The following AIG1 variants were observed in gnomAD, a reference collection of about 807,000 sequenced individuals.
AIG1 encodes the protein androgen-induced gene 1 protein.
In AIG1, 23 loss-of-function variants were observed where a neutral mutation model predicts 31.4. That is an observed-to-expected ratio of 0.73 (90% CI 0.53 to 1.04). The LOEUF is 1.04. AIG1 is among the 50% of genes least tolerant of loss of function. The pLI is 0.00. For missense variants in AIG1, 274 were observed against 295.0 expected, an observed-to-expected ratio of 0.93 and a Z score of 0.52; for synonymous variants, 100 against 110.5, an observed-to-expected ratio of 0.90 and a Z score of 0.60.
chr6:143,303,178 C>T (rs1293670270), intron 4 of AIG1, among the ~76,000 whole-genome samples: 1 of 151,420 alleles, frequency 6.6e-6, no homozygotes, highest in Non-Finnish European at 1.5e-5. Flanking sequence ...TGTAGGTTGC[C>T]TGTTCACTCT....
chr6:143,078,827 A>G (rs1456868899), intron 1 of AIG1, among the ~76,000 whole-genome samples: 6 of 152,198 alleles, frequency 3.9e-5, no homozygotes, highest in Non-Finnish European at 7.3e-5. Context: ...CATATCAAAC[A>G]TTATGTGGTG....
At chr6:143,285,775 T>C (rs924681691) in intron 4 of AIG1, among the ~76,000 whole-genome samples, 2 of 152,138 alleles carry the variant, frequency 1.3e-5, no homozygotes, top group African/African-American at 4.8e-5. Context: ...TCCAAAACCT[T>C]AAGTGTTGAC....
chr6:143,287,690 G>C (rs1383924811), intron 4 of AIG1, among the ~76,000 whole-genome samples: 1 of 117,630 alleles, frequency 8.5e-6, no homozygotes, highest in Non-Finnish European at 1.6e-5. Context: ...TAGTTGGAAA[G>C]ACACTGTTAT....
At chr6:143,183,100 C>T (rs1159806579) in intron 3 of AIG1, among the ~76,000 whole-genome samples, 1 of 152,130 alleles carries the variant, frequency 6.6e-6, no homozygotes, top group Non-Finnish European at 1.5e-5. Flanking sequence ...AGCTACAGGT[C>T]AGCCTGGCTC....
At chr6:143,193,521 G>A (rs559335659) in intron 3 of AIG1, among the ~76,000 whole-genome samples, 90 of 152,304 alleles carry the variant, frequency 5.9e-4, no homozygotes, top group African/African-American at 2.0e-3. Context: ...CTAGAACAGG[G>A]CCTTGCACTT....
intron 3 of AIG1, among the ~76,000 whole-genome samples, chr6:143,238,885 A>G (rs1215793827): frequency 2.6e-5 from 4 of 152,234 alleles, no homozygotes; most frequent in Non-Finnish European, 4.4e-5. Context: ...TGTATTTGAA[A>G]TGGAAGAGAA....
intron 3 of AIG1, among the ~76,000 whole-genome samples, chr6:143,243,130 A>G (rs995472620): frequency 8.5e-5 from 13 of 152,218 alleles, no homozygotes; most frequent in Non-Finnish European, 1.5e-4. Context: ...TAAATTCACT[A>G]TCTTCCTTTT....
Position 143,327,994 on chromosome 6 carries a change from A to T in AIG1, c.516-5288A>T, listed in dbSNP as rs1776750627. Among the ~76,000 whole-genome samples, 1 of 152,198 alleles carries T rather than the reference A, an allele frequency of 6.6e-6. No homozygotes were observed. The highest frequency in any genetic ancestry group is 6.5e-5 in the Admixed American group (1 of 15,270). ...GTAAAATACCTGTGTATAAGTAGTGAACATGATGCCATAGCCATGAATGAA... is the reference window on the plus strand; with the variant it reads ...GTAAAATACCTGTGTATAAGTAGTGTACATGATGCCATAGCCATGAATGAA... On this transcript the variant is annotated intron_variant, in intron 4 of 5. Coordinates refer to ENST00000357847, the MANE Select transcript of AIG1 (RefSeq NM_016108.4). This position sits in a 1 kb window ranked among gnomAD's most constrained non-coding sequence, Gnocchi z 5.3.
At chr6:143,163,788 G>A (rs936566844) in intron 2 of AIG1, among the ~76,000 whole-genome samples, 2 of 151,950 alleles carry the variant, frequency 1.3e-5, no homozygotes, top group African/African-American at 4.8e-5. Flanking sequence ...CTTTTCCTTG[G>A]CTTTGCTTAT....
chr6:143,340,301 T>C lies in AIG1; in HGVS notation c.*625T>C, dbSNP rs1223589028. 2 of 152,252 alleles carry C rather than the reference T, an allele frequency of 1.3e-5. No individual in the cohort carries two copies. Among genetic ancestry groups the C allele is most frequent in the Non-Finnish European group, 2.9e-5 (2 of 68,044 alleles). 9.4% of individuals were successfully genotyped at this position (152,252 alleles called of 1,614,324 possible). A position where few individuals can be genotyped will look rare whatever the true frequency, so the allele number is the denominator to read the frequency against. On this transcript the variant is annotated 3_prime_UTR_variant, in exon 6 of 6. Transcript: ENST00000357847. ...CTGACTAATAAAGACAAAGCCACCC[T>C]GAACCTGACGTCTGCATTGTGCATC...
intron 1 of AIG1, among the ~76,000 whole-genome samples, chr6:143,101,054 T>A (rs1780232530): frequency 6.6e-6 from 1 of 152,226 alleles, no homozygotes; most frequent in African/African-American, 2.4e-5. Context: ...GTCATCTTTT[T>A]ATGCATGCCT....
chr6:143,229,784 C>CAACAAAAAAA (rs1554260078), intron 3 of AIG1, among the ~76,000 whole-genome samples: 1 of 80,708 alleles, frequency 1.2e-5, no homozygotes, highest in Non-Finnish European at 2.9e-5. Flanking sequence ...ACTCTCAGAA[C>CAACAAAAAAA]AAAAAAAAAA....
chr6:143,166,001 A>G (rs1201371894), intron 3 of AIG1, among the ~76,000 whole-genome samples: 3 of 152,156 alleles, frequency 2.0e-5, no homozygotes, highest in African/African-American at 7.2e-5. Flanking sequence ...CCTGGTGAAA[A>G]GGGCAGCCCA....
chr6:143,333,422 A>G lies in AIG1; in HGVS notation c.656A>G (p.Asn219Ser), dbSNP rs763120016. 6.2e-7 allele frequency: 1 copy of G among 1,613,136 alleles called. No individual in the cohort carries two copies. The highest frequency in any genetic ancestry group is 8.5e-7 in the Non-Finnish European group (1 of 1,179,770). Reference sequence around the variant, plus strand: ...TACCTGCTGGGAGAAGTTCTGAACAACTATATCTGGGATACACAGAAAAGT... The same window carrying G: ...TACCTGCTGGGAGAAGTTCTGAACAGCTATATCTGGGATACACAGAAAAGT... ...FLYLLGEVLN[N>S]YIWDTQKSME... Residue 219 changes from asparagine to serine, a missense_variant, in exon 5 of 6, where the codon AAC becomes AGC. By Grantham distance (46) the Asn-to-Ser change is conservative. Transcript: ENST00000357847. This position sits in a 1 kb window ranked among gnomAD's most constrained non-coding sequence, Gnocchi z 4.6.
rs1047173095 is a variant in AIG1, at chr6:143,298,907, A to G, written c.515+14682A>G. On this transcript the variant is annotated intron_variant, in intron 4 of 5. Transcript: ENST00000357847. The surrounding 1 kb of genome is among the most constrained non-coding windows in gnomAD (Gnocchi z 5.1). Reference sequence around the variant, plus strand: ...AATTTTTATTGTGTTTTTTTTTCCCAAGGCTGTGACATCTGTCTGTGTTCT... The same window carrying G: ...AATTTTTATTGTGTTTTTTTTTCCCGAGGCTGTGACATCTGTCTGTGTTCT... 6.6e-6 allele frequency: 1 copy of G among 151,984 alleles called. No individual in the cohort carries two copies. Among genetic ancestry groups the G allele is most frequent in the Admixed American group, 6.6e-5 (1 of 15,264 alleles). The allele number at this position is 151,984 out of a possible 1,614,324, so 9.4% of individuals were successfully genotyped here. A position where few individuals can be genotyped will look rare whatever the true frequency, so the allele number is the denominator to read the frequency against.
chr6:143,224,072 G>A (rs1304280287), intron 3 of AIG1, among the ~76,000 whole-genome samples: 1 of 152,062 alleles, frequency 6.6e-6, no homozygotes, highest in Non-Finnish European at 1.5e-5. Flanking sequence ...TGTGACCTTT[G>A]TCCTGCAGTC....
At chr6:143,104,551 T>C (rs2128486047) in intron 1 of AIG1, among the ~76,000 whole-genome samples, 2 of 152,310 alleles carry the variant, frequency 1.3e-5, no homozygotes, top group South Asian at 4.1e-4. Context: ...TTCCCAGGTG[T>C]GAGCTCTTCT....
intron 1 of AIG1, among the ~76,000 whole-genome samples, chr6:143,106,185 G>T (rs1161090895): frequency 1.3e-5 from 2 of 152,110 alleles, no homozygotes; most frequent in East Asian, 1.9e-4. Flanking sequence ...ATGGAAACAG[G>T]CATGCACACA....
intron 3 of AIG1, among the ~76,000 whole-genome samples, chr6:143,244,213 C>T (rs140654731): frequency 2.6e-4 from 39 of 152,192 alleles, no homozygotes; most frequent in Non-Finnish European, 4.6e-4. Context: ...GAGTGTTTCC[C>T]GGAGGAAATG....
Sources: gnomAD v4.1 joint callset for allele counts (sites outside exome capture counted in the v4.1 genomes callset) on GRCh38, gnomAD v4.1.1 for gene constraint, Gnocchi (gnomAD v3.1) non-coding constraint, MANE v1.5 for transcripts, NCBI Gene and HGNC (gene_info 2026-07-23, HGNC 2026-07-21) for gene names.